CPM: variants seen among roughly 807,000 people sequenced by gnomAD.
CPM encodes carboxypeptidase M.
CPM carries 35 observed loss-of-function variants against 46.4 expected under a neutral mutation model. The ratio of observed to expected loss-of-function variants is 0.75; its 90% CI spans 0.58 to 1.00. The LOEUF (loss-of-function observed/expected upper bound fraction) is 1.00, where lower values mean the gene tolerates loss of function less well. Ranked by LOEUF, CPM falls within the 50% of genes least tolerant of loss-of-function variation. The pLI is 0.00. For missense variants in CPM, 422 were observed against 530.4 expected (o/e 0.80, Z 2.01); for synonymous variants, 195 against 195.3 (o/e 1.00, Z 0.01).
chr12:68,902,223 AG>A (rs1887144966), intron 2 of CPM, among the ~76,000 whole-genome samples: 2 of 152,314 alleles, frequency 1.3e-5, no homozygotes, highest in South Asian at 4.1e-4. Flanking sequence ...TTAAACCATG[AG>A]TGGTACTAAT....
intron 7 of CPM, among the ~76,000 whole-genome samples, chr12:68,863,594 C>G (rs1885304387): frequency 6.6e-6 from 1 of 152,158 alleles, no homozygotes; most frequent in Admixed American, 6.5e-5. Context: ...AAGGCTGATG[C>G]TATTACTCTC....
upstream of CPM, among the ~76,000 whole-genome samples, chr12:68,935,681 T>C (rs1246453815): frequency 6.6e-6 from 1 of 152,040 alleles, no homozygotes; most frequent in African/African-American, 2.4e-5. Context: ...CTAAATGTTA[T>C]TTCCACTGGA....
At chr12:68,897,447 A>G (rs577928298) in intron 2 of CPM, among the ~76,000 whole-genome samples, 1 of 152,266 alleles carries the variant, frequency 6.6e-6, no homozygotes, top group South Asian at 2.1e-4. Context: ...CTGTACTAAG[A>G]GCGAGATCGA....
At chr12:68,847,452 CTTTTTTTTT>C (rs772905678), downstream of CPM, 3 of 88,720 alleles carry the variant, frequency 3.4e-5, no homozygotes, top group South Asian at 9.8e-4. Context: ...TATCTCCTTT[CTTTTTTTTT>C]TTTTTTTTTT....
At chr12:68,927,259 A>G (rs1888308133) in intron 2 of CPM, among the ~76,000 whole-genome samples, 1 of 151,182 alleles carries the variant, frequency 6.6e-6, no homozygotes, top group Admixed American at 6.6e-5. Flanking sequence ...CGCCATTCTA[A>G]CTGGTGTGAG....
chr12:68,949,730 G>A lies in CPM; in HGVS notation c.-4+13439C>T, dbSNP rs145878307. The stretch of plus-strand genomic sequence containing the variant: ...TGTTGAATTATGGATCATGCTTGTG[G>A]TGCACAAGCAAGCGAACACAGTTGA... On this transcript the variant is annotated intron_variant, in intron 1 of 8. Transcript: ENST00000546373. Among the ~76,000 whole-genome samples, 438 of 152,278 alleles carry A rather than the reference G, an allele frequency of 2.9e-3. 4 individuals are homozygous for A. Among genetic ancestry groups the A allele is most frequent in the African/African-American group, 9.9e-3 (413 of 41,550 alleles).
At chr12:68,907,844 T>TATTTA (rs1887418173) in intron 2 of CPM, among the ~76,000 whole-genome samples, 1 of 152,170 alleles carries the variant, frequency 6.6e-6, no homozygotes, top group Admixed American at 6.6e-5. Flanking sequence ...TTTATTTATT[T>TATTTA]TTGAGATGGA....
At chr12:68,875,790 C>T (rs1423699182) in intron 3 of CPM, among the ~76,000 whole-genome samples, 6 of 139,162 alleles carry the variant, frequency 4.3e-5, no homozygotes, top group East Asian at 2.0e-4. Flanking sequence ...TGGGCAACAG[C>T]GAGACTCTGT....
chr12:68,938,107 A>G (rs969165623), upstream of CPM, among the ~76,000 whole-genome samples: 10 of 152,252 alleles, frequency 6.6e-5, no homozygotes, highest in African/African-American at 2.4e-4. Context: ...TAAGTACCTC[A>G]ATAGATGTCA....
At chr12:68,866,644 G>C (rs1181706364) in intron 7 of CPM, among the ~76,000 whole-genome samples, 1 of 152,098 alleles carries the variant, frequency 6.6e-6, no homozygotes. Context: ...ACGACCACCT[G>C]GTACTCTGGA....
chr12:68,874,467 T>G (rs1483792154), intron 3 of CPM, among the ~76,000 whole-genome samples: 1 of 151,812 alleles, frequency 6.6e-6, no homozygotes, highest in Non-Finnish European at 1.5e-5. Context: ...AATACAAAAA[T>G]TAGCTGGGCA....
At chr12:68,891,922 A>G (rs944305586) in intron 2 of CPM, among the ~76,000 whole-genome samples, 1 of 152,094 alleles carries the variant, frequency 6.6e-6, no homozygotes, top group African/African-American at 2.4e-5. Flanking sequence ...TTTTTAGTAG[A>G]GATGGGGTTT....
intron 2 of CPM, among the ~76,000 whole-genome samples, chr12:68,926,384 C>A (rs1888261416): frequency 6.6e-6 from 1 of 151,984 alleles, no homozygotes; most frequent in South Asian, 2.1e-4. Context: ...TATTTCAACT[C>A]CTCAATTGCT....
intron 1 of CPM, among the ~76,000 whole-genome samples, chr12:68,949,569 C>T (rs1430310646): frequency 3.9e-5 from 6 of 152,112 alleles, no homozygotes; most frequent in African/African-American, 1.4e-4. Flanking sequence ...ATTGATAGCA[C>T]CTACCTCATA....
At chr12:68,861,082 A>G (rs1383321562) in intron 7 of CPM, among the ~76,000 whole-genome samples, 1 of 151,908 alleles carries the variant, frequency 6.6e-6, no homozygotes, top group Admixed American at 6.6e-5. Context: ...GGGTTTCGCC[A>G]TGTTGCACAG....
chr12:68,938,995 A>G (rs917291676), intron 1 of CPM, among the ~76,000 whole-genome samples: 2 of 147,910 alleles, frequency 1.4e-5, no homozygotes, highest in African/African-American at 2.5e-5. Context: ...GATATTATAT[A>G]AATATATCTG....
chr12:68,940,244 A>T (rs962776044), intron 1 of CPM, among the ~76,000 whole-genome samples: 13 of 151,964 alleles, frequency 8.6e-5, no homozygotes, highest in African/African-American at 2.9e-4. Context: ...TTCCCTTATT[A>T]TTAACATCTT....
rs111427340 is a variant in CPM, at chr12:68,920,626, G to A, written c.160+12052C>T. 6.3e-3 allele frequency among the ~76,000 whole-genome samples: 955 copies of A among 152,012 alleles called. 2 individuals carry two copies. Among genetic ancestry groups the A allele is most frequent in the Middle Eastern group, 0.027 (8 of 294 alleles). Reference sequence around the variant, plus strand: ...GTACAACATTTCTGAGTATAGAGGGGGGAAAAGACACTTAAAATGGAAGGG... The same window carrying A: ...GTACAACATTTCTGAGTATAGAGGGAGGAAAAGACACTTAAAATGGAAGGG... On this transcript the variant is annotated intron_variant, in intron 2 of 8. Coordinates refer to ENST00000551568, the MANE Select transcript of CPM (RefSeq NM_198320.5).
intron 8 of CPM, among the ~76,000 whole-genome samples, chr12:68,858,554 T>C (rs899138203): frequency 1.3e-5 from 2 of 152,164 alleles, no homozygotes; most frequent in Non-Finnish European, 2.9e-5. Flanking sequence ...TAGTAGAAAG[T>C]GTATGCCGTG....
Sources: gnomAD v4.1 joint callset for allele counts (sites outside exome capture counted in the v4.1 genomes callset) on GRCh38, gnomAD v4.1.1 for gene constraint, MANE v1.5 for transcripts, NCBI Gene and HGNC (gene_info 2026-07-23, HGNC 2026-07-21) for gene names.